The following TAB1 variants were observed in gnomAD, a reference collection of about 807,000 sequenced individuals.
TAB1 encodes TGF-beta activated kinase 1 (MAP3K7) binding protein 1, also known as TGF-beta-activated kinase 1 and MAP3K7-binding protein 1.
A neutral mutation model predicts 54.5 loss-of-function variants in TAB1; 30 were observed. That is an observed-to-expected ratio of 0.55 (90% CI 0.41 to 0.75). TAB1 has a LOEUF of 0.75. Ranked by LOEUF, TAB1 falls within the 30% of genes least tolerant of loss-of-function variation. TAB1 has a pLI of 0.00. For synonymous variants in TAB1, 289 were observed against 286.9 expected, an observed-to-expected ratio of 1.01 and a Z score of -0.07; for missense variants, 609 against 683.2, an observed-to-expected ratio of 0.89 and a Z score of 1.21.
downstream of TAB1, among the ~76,000 whole-genome samples, chr22:39,435,047 C>G (rs1400589655): frequency 6.6e-6 from 1 of 151,990 alleles, no homozygotes; most frequent in Non-Finnish European, 1.5e-5. Flanking sequence ...CATGAGTGGA[C>G]AAATAGATGG....
Position 39,406,397 on chromosome 22 carries a change from CAA to C in TAB1, c.33+6582_33+6583del, listed in dbSNP as rs11290078. Among the ~76,000 whole-genome samples, 169 of 73,760 alleles carry C rather than the reference CAA, an allele frequency of 2.3e-3. 1 individual carries two copies. Among genetic ancestry groups the C allele is most frequent in the South Asian group, 9.0e-3 (17 of 1,894 alleles). 48.4% of individuals were successfully genotyped at this position (73,760 alleles called of 152,430 possible). On this transcript the variant is annotated intron_variant, in intron 1 of 10. Coordinates refer to ENST00000216160, the MANE Select transcript of TAB1 (RefSeq NM_006116.3). The stretch of plus-strand genomic sequence containing the variant: ...CTGGGCGACAGAGTGAGACTGTCAC[CAA>C]AAAAAAAAAAAAAAAAAAAGGAATC...
chr22:39,415,415 A>C lies in TAB1; in HGVS notation c.171-85A>C. 6.7e-7 allele frequency: 1 copy of C among 1,496,902 alleles called. No homozygotes were observed. Among genetic ancestry groups the C allele is most frequent in the Non-Finnish European group, 9.2e-7 (1 of 1,089,434 alleles). The allele number at this position is 1,496,902 out of a possible 1,614,324, so 92.7% of individuals were successfully genotyped here. ...CTGAAGCTGCAGCTGCTGTCGCTTT[A>C]GTCTCCCCCAATTCCTTTCCCTTTC... On this transcript the variant is annotated intron_variant, in intron 2 of 10. Coordinates refer to ENST00000216160, the MANE Select transcript of TAB1 (RefSeq NM_006116.3). This position sits in a 1 kb window ranked among gnomAD's most constrained non-coding sequence, Gnocchi z 4.9.
Position 39,430,659 on chromosome 22 carries a change from C to T in TAB1, c.*437C>T, listed in dbSNP as rs1160606587. On this transcript the variant is annotated 3_prime_UTR_variant, in exon 11 of 11. Coordinates refer to ENST00000216160, the MANE Select transcript of TAB1 (RefSeq NM_006116.3). ...CACCTCCCTCACCTCGGGACAGTAG[C>T]CCTCCACTTCTCCAGCCTCTCAGCC... 1 of 1,068,852 alleles carries T rather than the reference C, an allele frequency of 9.4e-7. No individual in the cohort carries two copies. Among genetic ancestry groups the T allele is most frequent in the Non-Finnish European group, 1.1e-6 (1 of 877,096 alleles). 66.2% of individuals were successfully genotyped at this position (1,068,852 alleles called of 1,614,324 possible). A position where few individuals can be genotyped will look rare whatever the true frequency, so the allele number is the denominator to read the frequency against.
chr22:39,402,701 C>T (rs1926199881), intron 1 of TAB1, among the ~76,000 whole-genome samples: 1 of 151,974 alleles, frequency 6.6e-6, no homozygotes, highest in South Asian at 2.1e-4. Flanking sequence ...TACAGGTGTG[C>T]ACCACCACAC....
At position 39,431,802 on chromosome 22, in the gene TAB1, T is replaced by C. The variant is rs1927595976; in HGVS notation, c.*1580T>C. 2 of 985,502 alleles carry C rather than the reference T, an allele frequency of 2.0e-6. No homozygotes were observed. The highest frequency in any genetic ancestry group is 2.4e-6 in the Non-Finnish European group (2 of 829,954). 61.0% of individuals were successfully genotyped at this position (985,502 alleles called of 1,614,324 possible). ...TCTTCCAAGAATGCCTCTGTGGTGC[T>C]GTTTGGTCTCTAGAAACAGGGTCAC... On this transcript the variant is annotated 3_prime_UTR_variant, in exon 11 of 11. Coordinates refer to ENST00000216160, the MANE Select transcript of TAB1 (RefSeq NM_006116.3).
chr22:39,429,517 GC>G, intron 10 of TAB1: 1 of 452,096 alleles, frequency 2.2e-6, no homozygotes, highest in Non-Finnish European at 2.9e-6. Flanking sequence ...CACTCTTGTT[GC>G]CCAGGCTGGA....
chr22:39,429,534 A>G (rs1352214627), intron 10 of TAB1: 3 of 362,582 alleles, frequency 8.3e-6, no homozygotes, highest in African/African-American at 4.4e-5. Flanking sequence ...CTGGAGTGCA[A>G]TGGCAAAATC....
In TAB1 at chr22:39,415,802, C is replaced by T; in HGVS notation, c.324+149C>T. 6 of 1,047,668 alleles carry T rather than the reference C, an allele frequency of 5.7e-6. No homozygotes were observed. The highest frequency in any genetic ancestry group is 2.6e-5 in the East Asian group (1 of 37,968). 64.9% of individuals were successfully genotyped at this position (1,047,668 alleles called of 1,614,324 possible). A position where few individuals can be genotyped will look rare whatever the true frequency, so the allele number is the denominator to read the frequency against. ...TAGAGGAGCAGCTCCCAGCGTAGGC[C>T]CCCCCACCCAACAGGAGTCCAGGAC... On this transcript the variant is annotated intron_variant, in intron 3 of 10. Coordinates refer to ENST00000216160, the MANE Select transcript of TAB1 (RefSeq NM_006116.3). The surrounding 1 kb of genome is among the most constrained non-coding windows in gnomAD (Gnocchi z 4.9).
At chr22:39,418,407 C>A (rs370754173) in intron 5 of TAB1, among the ~76,000 whole-genome samples, 78 of 152,302 alleles carry the variant, frequency 5.1e-4, no homozygotes, top group African/African-American at 1.8e-3. Context: ...CTGTGGCCAG[C>A]CTTCTTTGTC....
chr22:39,411,022 A>G lies in TAB1; in HGVS notation c.34-3984A>G, dbSNP rs546671992. Among the ~76,000 whole-genome samples the G allele has an allele frequency of 2.6e-5, 4 of 152,342 alleles. No individual in the cohort carries two copies. The East Asian group carries it at 5.8e-4, about 22-fold the overall frequency. ...GACACATCGATCACAGGAACAGAAT[A>G]GAGTCTAGAAGTAGACCCACACAAT... On this transcript the variant is annotated intron_variant, in intron 1 of 10. Transcript: ENST00000216160.
intron 1 of TAB1, among the ~76,000 whole-genome samples, chr22:39,409,893 C>T (rs1483369388): frequency 3.3e-5 from 5 of 152,132 alleles, no homozygotes; most frequent in African/African-American, 7.2e-5. Context: ...CTTCTGTGTC[C>T]GCAGTACCCA....
chr22:39,418,514 A>C (rs754022979), intron 5 of TAB1, among the ~76,000 whole-genome samples: 2 of 152,210 alleles, frequency 1.3e-5, no homozygotes. Flanking sequence ...TGTTTTATTA[A>C]GATCATAATC....
chr22:39,412,143 G>C (rs897399298), intron 1 of TAB1, among the ~76,000 whole-genome samples: 5 of 152,152 alleles, frequency 3.3e-5, no homozygotes, highest in Admixed American at 2.6e-4. Flanking sequence ...AGGTTCAGGT[G>C]ATTCTCGTGC....
At position 39,428,184 on chromosome 22, in the gene TAB1, G is replaced by A. The variant is rs762064269; in HGVS notation, c.1307+1G>A. 1 of 1,595,088 alleles carries A rather than the reference G, an allele frequency of 6.3e-7. No individual in the cohort carries two copies. Among genetic ancestry groups the A allele is most frequent in the Non-Finnish European group, 8.6e-7 (1 of 1,166,994 alleles). On this transcript the variant is annotated splice_donor_variant, in intron 10 of 10. Transcript: ENST00000216160. LOFTEE classifies it high-confidence loss of function. ...ACGAAGCCACCCCCACCCTCACCAA[G>A]TAAGTCCCTTCCCCACTGAGCCACC...
intron 1 of TAB1, among the ~76,000 whole-genome samples, chr22:39,411,242 T>G (rs1264780215): frequency 1.3e-5 from 2 of 152,198 alleles, no homozygotes; most frequent in Admixed American, 1.3e-4. Context: ...AACTTGGGAC[T>G]GGACAGAGAG....
chr22:39,416,881 A>G lies in TAB1; in HGVS notation c.411+4A>G. 6.2e-7 allele frequency: 1 copy of G among 1,614,068 alleles called. No homozygotes were observed. Among genetic ancestry groups the G allele is most frequent in the Non-Finnish European group, 8.5e-7 (1 of 1,180,002 alleles). ...CCTCCAGTCGCAATTGCCAGAGGTA[A>G]TTTCCCCAGCCGACACCCAGGGGAG... is the stretch of plus-strand genomic sequence containing the variant. On this transcript the variant is annotated splice_donor_region_variant and intron_variant, in intron 4 of 10. Coordinates refer to ENST00000216160, the MANE Select transcript of TAB1 (RefSeq NM_006116.3).
chr22:39,408,981 G>A (rs950350411), intron 1 of TAB1, among the ~76,000 whole-genome samples: 2 of 152,160 alleles, frequency 1.3e-5, no homozygotes, highest in African/African-American at 4.8e-5. Context: ...TTACAGCATC[G>A]AAGACAGGTT....
chr22:39,423,614 A>G (rs1280979916), intron 8 of TAB1, among the ~76,000 whole-genome samples: 1 of 152,150 alleles, frequency 6.6e-6, no homozygotes, highest in Non-Finnish European at 1.5e-5. Context: ...CAATCAATCA[A>G]TCAATATCAT....
chr22:39,433,720 G>A (rs187244357), downstream of TAB1: 56 of 985,454 alleles, frequency 5.7e-5, no homozygotes, highest in Non-Finnish European at 6.5e-5. Flanking sequence ...GTTCCTGCCA[G>A]TGGCAGTGGG....
Sources: allele counts gnomAD v4.1 joint callset (sites outside exome capture counted in the v4.1 genomes callset), GRCh38; gene constraint gnomAD v4.1.1; non-coding constraint Gnocchi (gnomAD v3.1); transcripts MANE v1.5; gene names NCBI Gene and HGNC (gene_info 2026-07-23, HGNC 2026-07-21).